Variants in GDAP2 observed in about 807,000 individuals in gnomAD.
The protein encoded by GDAP2 is ganglioside-induced differentiation-associated protein 2.
GDAP2 carries 51 observed loss-of-function variants against 67.0 expected under a neutral mutation model. The ratio of observed to expected loss-of-function variants is 0.76; its 90% confidence interval spans 0.61 to 0.96. GDAP2 has a LOEUF of 0.96. Among genes scored for constraint, GDAP2 ranks in the 40% least tolerant of loss-of-function variants. The probability of loss-of-function intolerance (pLI) is 0.00; values close to 1 mark genes in which losing one functional copy is unlikely to be tolerated. For synonymous variants in GDAP2, 203 were observed against 207.3 expected, an observed-to-expected ratio of 0.98 and a Z score of 0.18; for missense variants, 547 against 588.3, an observed-to-expected ratio of 0.93 and a Z score of 0.73.
intron 5 of GDAP2, among the ~76,000 whole-genome samples, chr1:117,911,391 A>T (rs1015611582): frequency 6.6e-6 from 1 of 152,204 alleles, no homozygotes; most frequent in Non-Finnish European, 1.5e-5. Context: ...TACAAATATG[A>T]TATCATGAAA....
chr1:117,923,552 T>G (rs1650333701), intron 1 of GDAP2, among the ~76,000 whole-genome samples: 1 of 152,176 alleles, frequency 6.6e-6, no homozygotes, highest in Admixed American at 6.5e-5. Flanking sequence ...TGGAGGTTGT[T>G]GGTAACATGA....
chr1:117,928,358 C>T (rs1650534826), intron 1 of GDAP2, among the ~76,000 whole-genome samples: 1 of 152,070 alleles, frequency 6.6e-6, no homozygotes, highest in Admixed American at 6.5e-5. Flanking sequence ...TTAGTTATTC[C>T]AAGGGGTGTT....
intron 5 of GDAP2, among the ~76,000 whole-genome samples, chr1:117,911,611 T>C (rs112523471): frequency 6.6e-6 from 1 of 152,260 alleles, no homozygotes; most frequent in African/African-American, 2.4e-5. Flanking sequence ...TAGGCAAGTC[T>C]TCTGACCCGT....
At chr1:117,916,866 T>A (rs1469911728) in intron 3 of GDAP2, among the ~76,000 whole-genome samples, 1 of 151,966 alleles carries the variant, frequency 6.6e-6, no homozygotes, top group Non-Finnish European at 1.5e-5. Context: ...AAACCCCATC[T>A]TCACTAAAAA....
In GDAP2 at chr1:117,899,215, C is replaced by T. The variant is rs201107731; in HGVS notation, c.638G>A (p.Gly213Asp). ...VVFAVSDLEE[G>D]TYQKLLPLYF... ...GAGAGGTAGCAGCTTTTGGTAAGTA[C>T]CCTGTGTCAGAAAAGCAAGACATTC... Residue 213 changes from glycine to aspartate, a missense_variant and splice_region_variant, in exon 7 of 14, where the codon GGT (glycine) becomes GAT (aspartate). Transcript: ENST00000369443. 29 of 1,607,036 alleles carry T rather than the reference C, an allele frequency of 1.8e-5. No homozygotes were observed. The Admixed American group carries it at 2.0e-4, about 11-fold the overall frequency.
At chr1:117,902,815 T>C (rs1369814032) in intron 6 of GDAP2, among the ~76,000 whole-genome samples, 2 of 152,206 alleles carry the variant, frequency 1.3e-5, no homozygotes, top group African/African-American at 2.4e-5. Flanking sequence ...GGGATTTTGA[T>C]AGGAATTAAG....
chr1:117,912,584 G>T lies in GDAP2; in HGVS notation c.416C>A (p.Thr139Lys). The T allele has an allele frequency of 6.2e-7, 1 of 1,613,218 alleles. No individual in the cohort carries two copies. The highest frequency in any genetic ancestry group is 8.5e-7 in the Non-Finnish European group (1 of 1,179,194). Reference sequence around the variant, plus strand: ...GCTATAAAGGGAACTCTCAGCTGCTGTGCGATAGCGGCTTTTATATTTAGG... The same window carrying T: ...GCTATAAAGGGAACTCTCAGCTGCTTTGCGATAGCGGCTTTTATATTTAGG... ...VGPKYKSRYR[T>K]AAESSLYSCY... The change falls in exon 4 of 14, where the codon ACA becomes AAA. Residue 139 changes from threonine (T) to lysine (K), a missense_variant. Thr to Lys is a moderately conservative substitution (Grantham distance 78, BLOSUM62 -1). Coordinates refer to ENST00000369443, the MANE Select transcript of GDAP2 (RefSeq NM_017686.4).
At chr1:117,877,401 T>G in intron 13 of GDAP2, 1 of 984,310 alleles carries the variant, frequency 1.0e-6, no homozygotes, top group Non-Finnish European at 1.2e-6. Context: ...GTGTTACTTT[T>G]TTTTTTTCAA....
chr1:117,888,055 T>C (rs1489705311), intron 8 of GDAP2, among the ~76,000 whole-genome samples: 1 of 152,152 alleles, frequency 6.6e-6, no homozygotes, highest in Non-Finnish European at 1.5e-5. Flanking sequence ...AGATACCAAG[T>C]ATTCAAACTA....
intron 12 of GDAP2, 67 bp from the exon 13 acceptor site, chr1:117,878,219 GA>G: frequency 1.2e-6 from 1 of 805,320 alleles, no homozygotes; most frequent in East Asian, 2.7e-5. Flanking sequence ...ACACAATTTG[GA>G]AAATTTATAG....
chr1:117,889,245 G>C (rs1648975561), intron 8 of GDAP2, among the ~76,000 whole-genome samples: 2 of 151,716 alleles, frequency 1.3e-5, no homozygotes, highest in Admixed American at 1.3e-4. Context: ...GTAATGTATT[G>C]ATATACGGAT....
chr1:117,925,633 G>A (rs1171482023), intron 1 of GDAP2, among the ~76,000 whole-genome samples: 1 of 152,144 alleles, frequency 6.6e-6, no homozygotes, highest in Non-Finnish European at 1.5e-5. Flanking sequence ...TACACAGTGA[G>A]GCAGAGACAG....
intron 12 of GDAP2, among the ~76,000 whole-genome samples, chr1:117,879,826 A>G (rs1648589561): frequency 6.6e-6 from 1 of 152,100 alleles, no homozygotes; most frequent in African/African-American, 2.4e-5. Context: ...ATGGGAATAA[A>G]AAAGGTATAG....
chr1:117,902,946 G>A (rs563489696), intron 6 of GDAP2, among the ~76,000 whole-genome samples: 5 of 152,200 alleles, frequency 3.3e-5, no homozygotes, highest in African/African-American at 1.2e-4. Context: ...TTTCAAAGAG[G>A]TCTTATAGTT....
rs1448507231 is a variant in GDAP2, at chr1:117,918,666, T to A, written c.247A>T (p.Asn83Tyr). 6.2e-7 allele frequency: 1 copy of A among 1,600,466 alleles called. No individual in the cohort carries two copies. The highest frequency in any genetic ancestry group is 1.1e-5 in the South Asian group (1 of 90,824). ...NTSNESLTDK[N>Y]PVSESIFMLA... is the part of the protein sequence containing the mutation. ...ATGAAGATACTTTCTGACACAGGAT[T>A]CTTATCTGTGAGACTTTCATTGCTG... Residue 83 changes from asparagine (N) to tyrosine (Y), a missense_variant, in exon 3 of 14, where the codon AAT becomes TAT. Transcript: ENST00000369443.
chr1:117,875,889 A>G (rs1648438254), intron 13 of GDAP2, among the ~76,000 whole-genome samples: 1 of 152,076 alleles, frequency 6.6e-6, no homozygotes, highest in South Asian at 2.1e-4. Flanking sequence ...GAAGCAAATA[A>G]TTTGATTTTG....
intron 8 of GDAP2, among the ~76,000 whole-genome samples, chr1:117,896,043 T>C (rs1329128260): frequency 6.6e-6 from 1 of 152,122 alleles, no homozygotes; most frequent in Non-Finnish European, 1.5e-5. Context: ...GAATGGCAAG[T>C]ACCAAAGCTC....
intron 6 of GDAP2, among the ~76,000 whole-genome samples, chr1:117,906,169 C>A (rs1649649811): frequency 6.6e-6 from 1 of 152,194 alleles, no homozygotes; most frequent in Non-Finnish European, 1.5e-5. Flanking sequence ...GCTTTTCTGG[C>A]ACAGTAGTTT....
chr1:117,906,922 C>T (rs1413873943), intron 5 of GDAP2, among the ~76,000 whole-genome samples: 6 of 152,104 alleles, frequency 3.9e-5, no homozygotes, highest in South Asian at 2.1e-4. Context: ...AGTGACTGGC[C>T]GTAGAAGATG....
Sources: allele counts gnomAD v4.1 joint callset (sites outside exome capture counted in the v4.1 genomes callset), GRCh38; gene constraint gnomAD v4.1.1; transcripts MANE v1.5; gene names NCBI Gene and HGNC (gene_info 2026-07-23, HGNC 2026-07-21).